The following DCDC1 variants were observed in gnomAD, a reference collection of about 807,000 sequenced individuals.
The protein encoded by DCDC1 is doublecortin domain containing 1, also known as doublecortin domain-containing protein 1.
Under a neutral mutation model 178.3 loss-of-function variants are expected in DCDC1, and 200 were observed. That is an observed-to-expected ratio of 1.12 (90% CI 1.00 to 1.26). The LOEUF (loss-of-function observed/expected upper bound fraction) is 1.26. Ranked by LOEUF, DCDC1 falls within the 50% of genes most tolerant of loss-of-function variation. The pLI is 0.00. For synonymous variants in DCDC1, 690 were observed against 604.8 expected (o/e 1.14, Z -2.07); for missense variants, 1,983 against 1,749.2 (o/e 1.13, Z -2.38).
intron 21 of DCDC1, among the ~76,000 whole-genome samples, chr11:30,940,364 T>G (rs1415572170): frequency 6.6e-6 from 1 of 152,194 alleles, no homozygotes; most frequent in East Asian, 1.9e-4. Context: ...ACCTGCTTCC[T>G]GTTGACCAAC....
At chr11:31,107,186 G>A (rs1029377219) in intron 12 of DCDC1, among the ~76,000 whole-genome samples, 1 of 152,162 alleles carries the variant, frequency 6.6e-6, no homozygotes, top group African/African-American at 2.4e-5. Flanking sequence ...CCACAGGCTT[G>A]TGATTGAGCT....
At chr11:31,044,613 A>G (rs767402155) in intron 20 of DCDC1, among the ~76,000 whole-genome samples, 1 of 152,158 alleles carries the variant, frequency 6.6e-6, no homozygotes, top group Admixed American at 6.5e-5. Context: ...AGCCAGCCAA[A>G]AAAAAGGGGA....
intron 8 of DCDC1, among the ~76,000 whole-genome samples, chr11:31,255,968 G>C (rs995027446): frequency 6.6e-6 from 1 of 152,034 alleles, no homozygotes; most frequent in Non-Finnish European, 1.5e-5. Context: ...CTTTTATTTA[G>C]ATTGCTGATC....
chr11:31,103,810 G>T, intron 13 of DCDC1, 41 bp from the exon 14 acceptor site: 1 of 749,348 alleles, frequency 1.3e-6, no homozygotes, highest in South Asian at 1.4e-5. Context: ...TTCAAAATTA[G>T]ACATACATTG....
At chr11:31,064,204 A>G (rs1462581811) in intron 20 of DCDC1, among the ~76,000 whole-genome samples, 1 of 152,178 alleles carries the variant, frequency 6.6e-6, no homozygotes, top group East Asian at 1.9e-4. Flanking sequence ...TATGTTAATG[A>G]TAGTTATTTC....
chr11:31,019,836 T>A (rs1348767618), intron 20 of DCDC1, among the ~76,000 whole-genome samples: 1 of 152,108 alleles, frequency 6.6e-6, no homozygotes, highest in East Asian at 1.9e-4. Flanking sequence ...TGCTTCAGGC[T>A]CTTTGCTAAT....
At chr11:31,021,581 A>T (rs777936159) in intron 20 of DCDC1, among the ~76,000 whole-genome samples, 26 of 152,168 alleles carry the variant, frequency 1.7e-4, no homozygotes, top group Non-Finnish European at 2.9e-4. Flanking sequence ...TCCACAAGTA[A>T]CTAAGGGGAG....
At chr11:30,893,327 G>A (rs1011388649) in intron 35 of DCDC1, among the ~76,000 whole-genome samples, 4 of 152,222 alleles carry the variant, frequency 2.6e-5, no homozygotes, top group Admixed American at 6.5e-5. Context: ...CCTACTGAGA[G>A]ATTTCTCTGC....
chr11:30,919,528 G>GCAGA (rs1946092724), intron 25 of DCDC1, among the ~76,000 whole-genome samples: 1 of 152,014 alleles, frequency 6.6e-6, no homozygotes, highest in South Asian at 2.1e-4. Context: ...TTTTCCAAGT[G>GCAGA]CAGACTAAGA....
rs191348349 is a variant in DCDC1 at position 31,278,331 on chromosome 11, C to T, written c.960+12316G>A. ...TAGTGTAAATGGAATACTATTCCTC[C>T]TTTAAAAAGGAGAAACTCTTGTCAT... is the stretch of plus-strand genomic sequence containing the variant. On this transcript the variant is annotated intron_variant, in intron 7 of 38. Transcript: ENST00000684477. Among the ~76,000 whole-genome samples, 16 of 152,172 alleles carry T rather than the reference C, an allele frequency of 1.1e-4. No individual in the cohort carries two copies. In the East Asian group the frequency reaches 2.9e-3, roughly 28 times the overall value.
intron 20 of DCDC1, among the ~76,000 whole-genome samples, chr11:31,012,265 A>G (rs1168652494): frequency 6.6e-6 from 1 of 152,172 alleles, no homozygotes; most frequent in Non-Finnish European, 1.5e-5. Context: ...ACATTATTAT[A>G]GACAAATCTC....
chr11:31,241,886 T>C (rs113244739), intron 8 of DCDC1: 5,069 of 243,658 alleles, frequency 0.021, 77 homozygotes, highest in Non-Finnish European at 0.029. Context: ...CAGAGTGTCA[T>C]GGTGTGCACT....
intron 10 of DCDC1, among the ~76,000 whole-genome samples, chr11:31,128,755 T>G (rs208069): frequency 0.69 from 105,469 of 152,004 alleles, 37,575 homozygotes; most frequent in East Asian, 0.96. Context: ...ATAATTAAAT[T>G]AGATGAAAAA....
intron 20 of DCDC1, among the ~76,000 whole-genome samples, chr11:30,984,000 T>C (rs1191488993): frequency 6.6e-6 from 1 of 152,110 alleles, no homozygotes; most frequent in Non-Finnish European, 1.5e-5. Context: ...TATACAATAG[T>C]GGAGGAATGC....
intron 8 of DCDC1, among the ~76,000 whole-genome samples, chr11:31,252,037 T>G (rs1285993045): frequency 6.6e-6 from 1 of 152,272 alleles, no homozygotes; most frequent in East Asian, 1.9e-4. Flanking sequence ...GTTTTTAAAA[T>G]AGTGTTAATA....
chr11:31,061,451 TTGTG>T (rs147625273), intron 20 of DCDC1, among the ~76,000 whole-genome samples: 5 of 150,504 alleles, frequency 3.3e-5, no homozygotes, highest in Non-Finnish European at 7.4e-5. Context: ...TCATTTTAGA[TTGTG>T]TGTGTGTGTG....
chr11:30,958,038 C>T (rs1007651215), intron 20 of DCDC1, among the ~76,000 whole-genome samples: 4 of 152,118 alleles, frequency 2.6e-5, no homozygotes, highest in African/African-American at 7.2e-5. Flanking sequence ...TTGGATGTGT[C>T]CCTGAAGGAC....
chr11:31,339,301 G>A (rs537402411), intron 1 of DCDC1, among the ~76,000 whole-genome samples: 7 of 152,244 alleles, frequency 4.6e-5, no homozygotes, highest in Admixed American at 2.6e-4. Context: ...AGTCATAAGG[G>A]TGGACTCTTT....
chr11:31,003,998 T>C (rs1951707958), intron 20 of DCDC1, among the ~76,000 whole-genome samples: 2 of 152,148 alleles, frequency 1.3e-5, no homozygotes, highest in African/African-American at 4.8e-5. Context: ...TGGCTGGTGA[T>C]GCTGTTCACT....
Sources: gnomAD v4.1 joint callset for allele counts (sites outside exome capture counted in the v4.1 genomes callset) on GRCh38, gnomAD v4.1.1 for gene constraint, MANE v1.5 for transcripts, NCBI Gene and HGNC (gene_info 2026-07-23, HGNC 2026-07-21) for gene names.